Variants in FSIP2 observed in about 807,000 individuals in gnomAD.
FSIP2 encodes fibrous sheath-interacting protein 2.
A neutral mutation model predicts 510.5 loss-of-function variants in FSIP2; 367 were observed. The observed-to-expected ratio is 0.72, with a 90% CI of 0.66 to 0.78. The LOEUF (loss-of-function observed/expected upper bound fraction) is 0.78. Among genes scored for constraint, FSIP2 ranks in the 30% least tolerant of loss-of-function variants. The pLI is 0.00. For synonymous variants in FSIP2, 2,601 were observed against 2,732.2 expected, an observed-to-expected ratio of 0.95 and a Z score of 1.50; for missense variants, 7,594 against 7,901.7, an observed-to-expected ratio of 0.96 and a Z score of 1.48.
chr2:185,804,757 G>A lies in FSIP2; in HGVS notation c.15451G>A (p.Val5151Met), dbSNP rs1267313279. The change falls in exon 17 of 23, where the codon GTG becomes ATG. Residue 5151 changes from valine (V) to methionine (M), a missense_variant. Val to Met is a conservative substitution (Grantham distance 21). Transcript: ENST00000424728. ...EKKFPPDDEF[V>M]EAASKLTDEI... ...AAAGTTTCCACCGGATGATGAATTT[G>A]TGGAGGCAGCTTCAAAATTGACTGA... The A allele has an allele frequency of 6.5e-7, 1 of 1,531,032 alleles. No individual in the cohort carries two copies. The highest frequency in any genetic ancestry group is 2.0e-5 in the Admixed American group (1 of 50,322). The allele number at this position is 1,531,032 out of a possible 1,614,324, so 94.8% of individuals were successfully genotyped here.
chr2:185,822,002 T>C (rs1490018491), intron 19 of FSIP2, among the ~76,000 whole-genome samples: 1 of 151,752 alleles, frequency 6.6e-6, no homozygotes, highest in Admixed American at 6.6e-5. Flanking sequence ...GGAAAACCAT[T>C]TGACGAAAGT....
rs1445792302 is a variant in FSIP2, at chr2:185,803,737, A to T, written c.14431A>T (p.Ser4811Cys). ...ATCTCAGATAAGTCCATTGAACACCAGTGCAGAGCAGTCAGATACTACTAA... is the reference window on the plus strand; with the variant it reads ...ATCTCAGATAAGTCCATTGAACACCTGTGCAGAGCAGTCAGATACTACTAA... ...LTSQISPLNT[S>C]AEQSDTTKSD... is the part of the protein sequence containing the mutation. Residue 4811 changes from serine to cysteine, a missense_variant, in exon 17 of 23, where the codon AGT (serine) becomes TGT (cysteine). Transcript: ENST00000424728. The T allele has an allele frequency of 2.6e-6, 4 of 1,532,666 alleles. No homozygotes were observed. In the African/African-American group the frequency reaches 5.5e-5, roughly 21 times the overall value. 94.9% of individuals were successfully genotyped at this position (1,532,666 alleles called of 1,614,324 possible).
chr2:185,740,313 T>C (rs1691899269), intron 2 of FSIP2: 1 of 152,182 alleles, frequency 6.6e-6, no homozygotes, highest in Admixed American at 6.5e-5. Flanking sequence ...TAGTTAATCA[T>C]ACTGGATTAT....
intron 13 of FSIP2, chr2:185,765,469 T>C (rs1312954180): frequency 6.6e-6 from 1 of 152,044 alleles, no homozygotes; most frequent in South Asian, 2.1e-4. Flanking sequence ...TGCGGCGTTA[T>C]TTCTGAGGGC....
At chr2:185,775,512 C>T (rs1252317795) in intron 13 of FSIP2, among the ~76,000 whole-genome samples, 13 of 151,752 alleles carry the variant, frequency 8.6e-5, no homozygotes, top group Admixed American at 8.5e-4. Context: ...CGAAAATTTT[C>T]TCCCATTTTG....
intron 14 of FSIP2, among the ~76,000 whole-genome samples, chr2:185,784,436 C>T (rs758680942): frequency 2.0e-5 from 3 of 151,794 alleles, no homozygotes; most frequent in Non-Finnish European, 2.9e-5. Context: ...AACTTTGACA[C>T]CAATATATAG....
chr2:185,753,840 A>G lies in FSIP2; in HGVS notation c.989A>G (p.His330Arg). ...TFKYRGQDGT[H>R]ASPKNKKKTS... ...AAATACAGAGGTCAAGATGGAACAC[A>G]TGGTGAATGTGAGAACATTAAAAGA... is the stretch of plus-strand genomic sequence containing the variant. The change falls in exon 8 of 23, where the codon CAT becomes CGT. Residue 330 changes from histidine to arginine, a missense_variant and splice_region_variant. His to Arg is a conservative substitution (Grantham distance 29, BLOSUM62 0). Transcript: ENST00000424728. 2 of 1,460,482 alleles carry G rather than the reference A, an allele frequency of 1.4e-6. No individual in the cohort carries two copies. The highest frequency in any genetic ancestry group is 1.8e-4 in the Middle Eastern group (1 of 5,664). 90.5% of individuals were successfully genotyped at this position (1,460,482 alleles called of 1,614,324 possible). A position where few individuals can be genotyped will look rare whatever the true frequency, so the allele number is the denominator to read the frequency against.
In FSIP2 at chr2:185,739,461, T is replaced by C; in HGVS notation, c.215T>C (p.Phe72Ser). Reference sequence around the variant, plus strand: ...AATGCTGTATTCTATACTACGAATTTCGGTGAAAAGGTGAACAAGTTTTTA... The same window carrying C: ...AATGCTGTATTCTATACTACGAATTCCGGTGAAAAGGTGAACAAGTTTTTA... ...GSNAVFYTTN[F>S]GEKLFRPSYG... The change falls in exon 2 of 23, where the codon TTC (phenylalanine) becomes TCC (serine). Residue 72 changes from phenylalanine to serine, a missense_variant. Phe to Ser is a radical substitution (Grantham distance 155). Transcript: ENST00000424728. 1 of 1,505,648 alleles carries C rather than the reference T, an allele frequency of 6.6e-7. No individual in the cohort carries two copies. The highest frequency in any genetic ancestry group is 2.6e-5 in the East Asian group (1 of 38,836). The allele number at this position is 1,505,648 out of a possible 1,614,324, so 93.3% of individuals were successfully genotyped here. A position where few individuals can be genotyped will look rare whatever the true frequency, so the allele number is the denominator to read the frequency against.
Position 185,805,889 on chromosome 2 carries a change from G to A in FSIP2, c.16583G>A (p.Cys5528Tyr). Residue 5528 changes from cysteine (C) to tyrosine (Y), a missense_variant, in exon 17 of 23, where the codon TGT becomes TAT. Cys to Tyr is a radical substitution (Grantham distance 194). Transcript: ENST00000424728. ...GTGGATGAAAATAAAGTGGGAATTTGTACTCAAAAACATAGTGAGAATGTA... is the reference window on the plus strand; with the variant it reads ...GTGGATGAAAATAAAGTGGGAATTTATACTCAAAAACATAGTGAGAATGTA... Reference protein sequence around the residue: ...KEVDENKVGICTQKHSENVSK... With the variant: ...KEVDENKVGIYTQKHSENVSK... 3 of 1,608,646 alleles carry A rather than the reference G, an allele frequency of 1.9e-6. No individual in the cohort carries two copies. Among genetic ancestry groups the A allele is most frequent in the African/African-American group, 1.3e-5 (1 of 74,650 alleles).
rs1693508173 is a variant in FSIP2, at chr2:185,804,244, A to C, written c.14938A>C (p.Lys4980Gln). Residue 4980 changes from lysine (K) to glutamine (Q), a missense_variant, in exon 17 of 23, where the codon AAA becomes CAA. Coordinates refer to ENST00000424728, the MANE Select transcript of FSIP2 (RefSeq NM_173651.4). ...VTENPDRVKL[K>Q]LTRIVTTLVN... ...TGAAAATCCAGATAGAGTGAAACTGAAACTTACCAGGATTGTTACAACATT... is the reference window on the plus strand; with the variant it reads ...TGAAAATCCAGATAGAGTGAAACTGCAACTTACCAGGATTGTTACAACATT... The C allele has an allele frequency of 6.5e-7, 1 of 1,528,452 alleles. No homozygotes were observed. The highest frequency in any genetic ancestry group is 8.7e-7 in the Non-Finnish European group (1 of 1,143,218). The allele number at this position is 1,528,452 out of a possible 1,614,324, so 94.7% of individuals were successfully genotyped here. A position where few individuals can be genotyped will look rare whatever the true frequency, so the allele number is the denominator to read the frequency against.
At chr2:185,774,302 G>T (rs1020599578) in intron 13 of FSIP2, among the ~76,000 whole-genome samples, 1 of 152,112 alleles carries the variant, frequency 6.6e-6, no homozygotes, top group African/African-American at 2.4e-5. Context: ...GTTTGTAGCT[G>T]CCTTAGCTTT....
chr2:185,781,768 G>A (rs2105594517), intron 13 of FSIP2, among the ~76,000 whole-genome samples: 1 of 152,204 alleles, frequency 6.6e-6, no homozygotes, highest in Non-Finnish European at 1.5e-5. Flanking sequence ...TTAGCATATT[G>A]CTGGAAACCA....
At chr2:185,772,947 A>G (rs1051367938) in intron 13 of FSIP2, among the ~76,000 whole-genome samples, 4 of 151,710 alleles carry the variant, frequency 2.6e-5, no homozygotes, top group Non-Finnish European at 5.9e-5. Flanking sequence ...TGTAATCTCC[A>G]CATCCTAGGC....
chr2:185,747,969 T>C (rs978599613), intron 7 of FSIP2, among the ~76,000 whole-genome samples: 2 of 151,702 alleles, frequency 1.3e-5, no homozygotes, highest in African/African-American at 2.4e-5. Flanking sequence ...GTAGGCTGTT[T>C]TTTTCATGTA....
At chr2:185,748,682 G>A (rs1692084172) in intron 7 of FSIP2, among the ~76,000 whole-genome samples, 1 of 152,050 alleles carries the variant, frequency 6.6e-6, no homozygotes, top group Non-Finnish European at 1.5e-5. Flanking sequence ...TTTTAGTGAA[G>A]ACTAATGCAA....
Position 185,803,271 on chromosome 2 carries a change from T to A in FSIP2, c.13965T>A (p.Phe4655Leu), listed in dbSNP as rs1208258488. 3 of 1,526,198 alleles carry A rather than the reference T, an allele frequency of 2.0e-6. No homozygotes were observed. Among genetic ancestry groups the A allele is most frequent in the Non-Finnish European group, 2.6e-6 (3 of 1,142,594 alleles). 94.5% of individuals were successfully genotyped at this position (1,526,198 alleles called of 1,614,324 possible). ...TAAGAGATTCAGAAGATGAACTGTT[T>A]GAGAAAGCTGAAGAACTCATACATT... is the stretch of plus-strand genomic sequence containing the variant. ...KSIRDSEDEL[F>L]EKAEELIHLI... Residue 4655 changes from phenylalanine to leucine, a missense_variant, in exon 17 of 23, where the codon TTT (phenylalanine) becomes TTA (leucine). Transcript: ENST00000424728.
chr2:185,753,335 A>C (rs1469245248), intron 7 of FSIP2, among the ~76,000 whole-genome samples: 1 of 151,368 alleles, frequency 6.6e-6, no homozygotes, highest in East Asian at 1.9e-4. Context: ...CACAAAGGGA[A>C]GTCACATTTT....
At chr2:185,827,061 T>G (rs2105687251) in intron 20 of FSIP2, among the ~76,000 whole-genome samples, 1 of 151,918 alleles carries the variant, frequency 6.6e-6, no homozygotes, top group South Asian at 2.1e-4. Context: ...CCCTAGAAAC[T>G]TAAAAACTTG....
chr2:185,777,688 A>C (rs1692756911), intron 13 of FSIP2, among the ~76,000 whole-genome samples: 1 of 152,222 alleles, frequency 6.6e-6, no homozygotes, highest in African/African-American at 2.4e-5. Flanking sequence ...ATGGCCACAC[A>C]TCCTTGATTA....
Sources: gnomAD v4.1 joint callset for allele counts (sites outside exome capture counted in the v4.1 genomes callset) on GRCh38, gnomAD v4.1.1 for gene constraint, MANE v1.5 for transcripts, NCBI Gene and HGNC (gene_info 2026-07-23, HGNC 2026-07-21) for gene names.